GASK1B: variants seen among roughly 807,000 people sequenced by gnomAD.
GASK1B encodes the protein Golgi-associated kinase 1B.
A neutral mutation model predicts 42.8 loss-of-function variants in GASK1B; 34 were observed. That is an observed-to-expected ratio of 0.79 (90% CI 0.60 to 1.06). The LOEUF is 1.06. Ranked by LOEUF, GASK1B falls within the 50% of genes least tolerant of loss-of-function variation. The pLI, the probability that GASK1B is intolerant of heterozygous loss-of-function variation, is 0.00. For synonymous variants in GASK1B, 262 were observed against 259.1 expected, an observed-to-expected ratio of 1.01 and a Z score of -0.11; for missense variants, 686 against 661.0, an observed-to-expected ratio of 1.04 and a Z score of -0.42.
chr4:158,165,913 C>G (rs1052772208), intron 2 of GASK1B, among the ~76,000 whole-genome samples: 3 of 152,164 alleles, frequency 2.0e-5, no homozygotes, highest in African/African-American at 7.2e-5. Flanking sequence ...CAACACACAT[C>G]AAATACAGTG....
intron 3 of GASK1B, among the ~76,000 whole-genome samples, chr4:158,148,681 A>G (rs1167797851): frequency 6.6e-6 from 1 of 152,150 alleles, no homozygotes; most frequent in East Asian, 1.9e-4. Context: ...AGAGACCTCA[A>G]CCTTATGGAG....
intron 2 of GASK1B, among the ~76,000 whole-genome samples, chr4:158,162,993 T>A (rs550349502): frequency 5.9e-5 from 9 of 152,216 alleles, no homozygotes; most frequent in African/African-American, 2.2e-4. Flanking sequence ...TATATTATTC[T>A]TTCATCCTCA....
chr4:158,153,465 A>G (rs1731634592), intron 3 of GASK1B, among the ~76,000 whole-genome samples: 1 of 152,136 alleles, frequency 6.6e-6, no homozygotes, highest in South Asian at 2.1e-4. Context: ...ATTCCCATCA[A>G]AATACCACCA....
intron 2 of GASK1B, among the ~76,000 whole-genome samples, chr4:158,158,782 G>A (rs924275305): frequency 6.6e-6 from 1 of 152,088 alleles, no homozygotes; most frequent in East Asian, 1.9e-4. Context: ...ATTTTATTGT[G>A]TATGGTGAAA....
chr4:158,141,462 C>G (rs28719822), intron 3 of GASK1B, among the ~76,000 whole-genome samples: 133,292 of 151,454 alleles, frequency 0.88, 59,890 homozygotes, highest in East Asian at 0.98. Context: ...TATTCTTTTT[C>G]TTAAAGTTGC....
At chr4:158,130,517 T>C (rs1267764879) in intron 4 of GASK1B, among the ~76,000 whole-genome samples, 1 of 152,148 alleles carries the variant, frequency 6.6e-6, no homozygotes, top group Non-Finnish European at 1.5e-5. Flanking sequence ...CCACATGGAT[T>C]TTCACAATGA....
intron 3 of GASK1B, among the ~76,000 whole-genome samples, chr4:158,153,486 C>A (rs1360403720): frequency 1.3e-5 from 2 of 152,052 alleles, no homozygotes; most frequent in African/African-American, 4.8e-5. Context: ...TAACTCTTCA[C>A]AGAACTAGAA....
At position 158,130,922 on chromosome 4, in the gene GASK1B, C is replaced by G. The variant is rs140902510; in HGVS notation, c.1216G>C (p.Asp406His). 2.5e-6 allele frequency: 4 copies of G among 1,613,996 alleles called. No individual in the cohort carries two copies. In the African/African-American group the frequency reaches 4.0e-5, roughly 16 times the overall value. ...VQNGLRPKCD[D>H]QGSAALAHII... ...TGTGCTAGAGCCGCAGAACCTTGGT[C>G]ATCACATTTTGGCCTCAATCCATTC... The change falls in exon 4 of 5, where the codon GAC (aspartate) becomes CAC (histidine). Residue 406 changes from aspartate (D) to histidine (H), a missense_variant. Physicochemically the swap from Asp to His is moderately conservative, Grantham distance 81. Coordinates refer to ENST00000585682, the MANE Select transcript of GASK1B (RefSeq NM_001128424.2).
chr4:158,144,103 CT>C (rs1429283254), intron 3 of GASK1B, among the ~76,000 whole-genome samples: 10 of 152,090 alleles, frequency 6.6e-5, no homozygotes, highest in African/African-American at 2.2e-4. Context: ...TTTTATATCA[CT>C]TTCCCTGTCT....
chr4:158,172,000 C>G (rs112267043), intron 1 of GASK1B, among the ~76,000 whole-genome samples: 1 of 152,126 alleles, frequency 6.6e-6, no homozygotes, highest in Admixed American at 6.5e-5. Context: ...GTACAAGCAG[C>G]AAGTATTAAC....
chr4:158,173,016 T>A lies in GASK1B; in HGVS notation c.-373A>T, dbSNP rs1432680190. The stretch of plus-strand genomic sequence containing the variant: ...GAGTACACACAGATAAGGAAAGACA[T>A]TTATAGTGTGCAATTGCACGGTGCA... On this transcript the variant is annotated 5_prime_UTR_variant, in exon 1 of 5. The change abolishes an upstream ATG in the 5' untranslated region. Coordinates refer to ENST00000585682, the MANE Select transcript of GASK1B (RefSeq NM_001128424.2). 6.6e-6 allele frequency: 1 copy of A among 152,082 alleles called. No individual in the cohort carries two copies. Among genetic ancestry groups the A allele is most frequent in the Non-Finnish European group, 1.5e-5 (1 of 68,010 alleles). The allele number at this position is 152,082 out of a possible 1,614,324, so 9.4% of individuals were successfully genotyped here. A position where few individuals can be genotyped will look rare whatever the true frequency, so the allele number is the denominator to read the frequency against.
intron 3 of GASK1B, among the ~76,000 whole-genome samples, chr4:158,143,736 G>C (rs937543870): frequency 2.6e-5 from 4 of 152,098 alleles, no homozygotes; most frequent in African/African-American, 9.7e-5. Context: ...ATGACAAATT[G>C]TTGGGTGATG....
chr4:158,157,601 A>T (rs574416678), intron 2 of GASK1B, among the ~76,000 whole-genome samples: 1 of 152,096 alleles, frequency 6.6e-6, no homozygotes, highest in Non-Finnish European at 1.5e-5. Flanking sequence ...TCTTTCTATT[A>T]GTGTCTTTGA....
intron 2 of GASK1B, chr4:158,170,135 T>C (rs922612444): frequency 6.7e-6 from 8 of 1,201,518 alleles, no homozygotes; most frequent in Non-Finnish European, 9.3e-6. Context: ...GCCTCCAGCC[T>C]AGCTTCCTCT....
chr4:158,130,153 A>C (rs1730622152), intron 4 of GASK1B, among the ~76,000 whole-genome samples: 2 of 152,068 alleles, frequency 1.3e-5, no homozygotes, highest in African/African-American at 4.8e-5. Context: ...TAAATAAATA[A>C]TTCTTCCCTA....
intron 3 of GASK1B, among the ~76,000 whole-genome samples, chr4:158,154,950 C>G (rs754564765): frequency 1.3e-5 from 2 of 152,022 alleles, no homozygotes; most frequent in African/African-American, 4.8e-5. Flanking sequence ...CAGAAATCAC[C>G]GCTAAATAAT....
At chr4:158,141,920 CTTTTTTTTTTTTT>C (rs36207959) in intron 3 of GASK1B, among the ~76,000 whole-genome samples, 1 of 47,614 alleles carries the variant, frequency 2.1e-5, no homozygotes, top group Non-Finnish European at 3.8e-5. Context: ...GTTGTGGTTT[CTTTTTTTTTTTTT>C]TTTTTTTTTT....
intron 2 of GASK1B, among the ~76,000 whole-genome samples, chr4:158,160,245 G>A (rs1731920912): frequency 6.6e-6 from 1 of 152,126 alleles, no homozygotes; most frequent in African/African-American, 2.4e-5. Context: ...AAACTTTAAT[G>A]CGAAAAGAAA....
chr4:158,171,480 T>C lies in GASK1B; in HGVS notation c.-105A>G, dbSNP rs1332335524. 1 of 1,323,586 alleles carries C rather than the reference T, an allele frequency of 7.6e-7. No homozygotes were observed. Among genetic ancestry groups the C allele is most frequent in the Non-Finnish European group, 1.0e-6 (1 of 990,078 alleles). The allele number at this position is 1,323,586 out of a possible 1,614,324, so 82.0% of individuals were successfully genotyped here. On this transcript the variant is annotated 5_prime_UTR_variant, in exon 2 of 5. The change creates a new upstream start codon in the 5' untranslated region. Coordinates refer to ENST00000585682, the MANE Select transcript of GASK1B (RefSeq NM_001128424.2). ...TTCAGCTGCCGCGTCCGCTTCGGGA[T>C]ATAAGTGGTCTCCAGTGGGCAGAGG...
Sources: allele counts gnomAD v4.1 joint callset (sites outside exome capture counted in the v4.1 genomes callset), GRCh38; gene constraint gnomAD v4.1.1; transcripts MANE v1.5; gene names NCBI Gene and HGNC (gene_info 2026-07-23, HGNC 2026-07-21).